C12orf75: variants seen among roughly 807,000 people sequenced by gnomAD.
C12orf75 encodes overexpressed in colon carcinoma 1 protein.
C12orf75 carries 4 observed loss-of-function variants against 11.4 expected under a neutral mutation model. That is an observed-to-expected ratio of 0.35 (90% CI 0.17 to 0.80). C12orf75 has a LOEUF of 0.80. Ranked by LOEUF, C12orf75 falls within the 30% of genes least tolerant of loss-of-function variation. The pLI is 0.52. For synonymous variants in C12orf75, 30 were observed against 30.0 expected (o/e 1.00, Z 0.00); for missense variants, 89 against 80.4 (o/e 1.11, Z -0.41).
chr12:105,334,028 A>C (rs932756309), intron 1 of C12orf75, among the ~76,000 whole-genome samples: 3 of 152,182 alleles, frequency 2.0e-5, no homozygotes, highest in Admixed American at 2.0e-4. Flanking sequence ...ATTGATATGC[A>C]GTAGTGTACT....
intron 2 of C12orf75, among the ~76,000 whole-genome samples, chr12:105,357,512 G>A (rs938618145): frequency 7.2e-5 from 11 of 152,262 alleles, no homozygotes; most frequent in Admixed American, 2.0e-4. Context: ...CCCAAAAGAC[G>A]TTGAAAGTGG....
Position 105,342,292 on chromosome 12 carries a change from T to TTGGTTATTGAGAGAGTGGGC in C12orf75, c.47-6290_47-6271dup, listed in dbSNP as rs567207010. Among the ~76,000 whole-genome samples the TTGGTTATTGAGAGAGTGGGC allele has an allele frequency of 6.5e-4, 98 of 151,932 alleles. 2 individuals carry two copies. In the South Asian group the frequency reaches 0.019, roughly 29 times the overall value. On this transcript the variant is annotated intron_variant, in intron 1 of 5. Transcript: ENST00000443585. ...TAAACTGGGGGACGAATGGAATGGG[T>TTGGTTATTGAGAGAGTGGGC]TGGTTATTGAGAGAGTGGGCTGGTT...
intron 2 of C12orf75, among the ~76,000 whole-genome samples, chr12:105,354,312 T>A (rs778898528): frequency 1.8e-4 from 28 of 152,240 alleles, no homozygotes; most frequent in Admixed American, 4.6e-4. Context: ...GGTGATCATC[T>A]TCATCATCAT....
At chr12:105,368,112 A>G (rs1871529064) in intron 5 of C12orf75, among the ~76,000 whole-genome samples, 1 of 102,992 alleles carries the variant, frequency 9.7e-6, no homozygotes, top group African/African-American at 6.2e-5. Flanking sequence ...AGGAGTTAGA[A>G]TTATAATAAG....
At chr12:105,358,225 A>C (rs141972447) in intron 2 of C12orf75, among the ~76,000 whole-genome samples, 131 of 152,230 alleles carry the variant, frequency 8.6e-4, no homozygotes, top group African/African-American at 3.0e-3. Flanking sequence ...GTGGTTTAAA[A>C]GGTTTTATAG....
chr12:105,351,457 C>A (rs1247707166), intron 2 of C12orf75, among the ~76,000 whole-genome samples: 1 of 152,036 alleles, frequency 6.6e-6, no homozygotes, highest in Non-Finnish European at 1.5e-5. Context: ...ACTCGTTTTT[C>A]TTATTTATTT....
intron 1 of C12orf75, among the ~76,000 whole-genome samples, chr12:105,347,576 T>C (rs889598732): frequency 4.6e-5 from 7 of 152,234 alleles, no homozygotes; most frequent in Admixed American, 1.3e-4. Flanking sequence ...GTCTGCTCTT[T>C]CCACCTTCTT....
intron 1 of C12orf75, among the ~76,000 whole-genome samples, chr12:105,346,220 A>G (rs748744117): frequency 6.6e-6 from 1 of 151,970 alleles, no homozygotes; most frequent in Non-Finnish European, 1.5e-5. Flanking sequence ...ACAGGTATTG[A>G]TTGGCCTCTT....
chr12:105,336,504 T>C lies in C12orf75; in HGVS notation c.46+5567T>C, dbSNP rs1441833618. On this transcript the variant is annotated intron_variant, in intron 1 of 5. Coordinates refer to ENST00000443585, the MANE Select transcript of C12orf75 (RefSeq NM_001145199.2). ...TAAGTACCCAATATACTACTTGTTA[T>C]CAGTATAGGGAAAGACACAGCTGGT... 3.3e-5 allele frequency among the ~76,000 whole-genome samples: 5 copies of C among 152,178 alleles called. No individual in the cohort carries two copies. In the East Asian group the frequency reaches 9.6e-4, roughly 29 times the overall value.
At position 105,355,414 on chromosome 12, in the gene C12orf75, C is replaced by T. The variant is rs370402749; in HGVS notation, c.71+6788C>T. ...CGAACTCCTGACCTTGTGATCCGCCCGCCTTGGCCTCCCAAAGTGCTAGGA... is the reference window on the plus strand; with the variant it reads ...CGAACTCCTGACCTTGTGATCCGCCTGCCTTGGCCTCCCAAAGTGCTAGGA... On this transcript the variant is annotated intron_variant, in intron 2 of 5. Coordinates refer to ENST00000443585, the MANE Select transcript of C12orf75 (RefSeq NM_001145199.2). Among the ~76,000 whole-genome samples the T allele has an allele frequency of 2.6e-5, 4 of 152,204 alleles. No individual in the cohort carries two copies. The South Asian group carries it at 6.2e-4, about 24-fold the overall frequency.
intron 1 of C12orf75, among the ~76,000 whole-genome samples, chr12:105,333,784 C>T (rs1170997479): frequency 1.3e-5 from 2 of 152,104 alleles, no homozygotes; most frequent in African/African-American, 4.8e-5. Context: ...ATTATTATCA[C>T]CATTTTGAAG....
chr12:105,343,918 C>G (rs1007981160), intron 1 of C12orf75, among the ~76,000 whole-genome samples: 1 of 152,146 alleles, frequency 6.6e-6, no homozygotes, highest in Non-Finnish European at 1.5e-5. Context: ...TTTGCCCCAC[C>G]CCTACCATTG....
At chr12:105,366,585 C>T in intron 3 of C12orf75, 32 bp from the exon 4 acceptor site, 1 of 1,077,292 alleles carries the variant, frequency 9.3e-7, no homozygotes, top group African/African-American at 1.6e-5. Context: ...TAGATAGTAC[C>T]ATTTAAATTG....
At position 105,359,970 on chromosome 12, in the gene C12orf75, G is replaced by A. The variant is rs114877983; in HGVS notation, c.72-5837G>A. Among the ~76,000 whole-genome samples, 1,284 of 152,184 alleles carry A rather than the reference G, an allele frequency of 8.4e-3. 22 individuals are homozygous for A. Among genetic ancestry groups the A allele is most frequent in the African/African-American group, 0.029 (1,223 of 41,510 alleles). On this transcript the variant is annotated intron_variant, in intron 2 of 5. Coordinates refer to ENST00000443585, the MANE Select transcript of C12orf75 (RefSeq NM_001145199.2). ...GACCTCTTTTCTAGTTTCAGCCACC[G>A]TGAATTGGCCTTGTCTTCACTTTGT...
chr12:105,344,313 C>T (rs1332743836), intron 1 of C12orf75, among the ~76,000 whole-genome samples: 7 of 152,144 alleles, frequency 4.6e-5, no homozygotes, highest in Non-Finnish European at 5.9e-5. Context: ...CATAGGGATC[C>T]GACTCCAGTC....
At chr12:105,343,791 T>C (rs1279836136) in intron 1 of C12orf75, among the ~76,000 whole-genome samples, 2 of 152,156 alleles carry the variant, frequency 1.3e-5, no homozygotes, top group African/African-American at 4.8e-5. Context: ...AGCTTCTCAG[T>C]AACCACCATG....
intron 2 of C12orf75, among the ~76,000 whole-genome samples, chr12:105,362,108 C>T (rs1014663379): frequency 8.6e-5 from 13 of 151,996 alleles, no homozygotes; most frequent in South Asian, 2.1e-4. Context: ...AGCTCCTGGC[C>T]GGGCGCGGTG....
intron 1 of C12orf75, among the ~76,000 whole-genome samples, chr12:105,346,763 TTTGA>T (rs1290442984): frequency 6.6e-6 from 1 of 152,246 alleles, no homozygotes; most frequent in Non-Finnish European, 1.5e-5. Context: ...AATATCATTG[TTTGA>T]TTGTTCTTGC....
intron 1 of C12orf75, among the ~76,000 whole-genome samples, chr12:105,339,715 C>A (rs1335080047): frequency 6.6e-6 from 1 of 151,998 alleles, no homozygotes; most frequent in East Asian, 1.9e-4. Context: ...CTGCCGGGTT[C>A]ATGCCTTTTT....
Sources: gnomAD v4.1 joint callset for allele counts (sites outside exome capture counted in the v4.1 genomes callset) on GRCh38, gnomAD v4.1.1 for gene constraint, MANE v1.5 for transcripts, NCBI Gene and HGNC (gene_info 2026-07-23, HGNC 2026-07-21) for gene names.